The following DDX42 variants were observed in gnomAD, a reference collection of about 807,000 sequenced individuals.
DDX42 encodes the protein DEAD-box helicase 42.
A neutral mutation model predicts 101.5 loss-of-function variants in DDX42; 22 were observed. The observed-to-expected ratio is 0.22, with a 90% CI of 0.15 to 0.31. DDX42 has a LOEUF of 0.31. Among genes scored for constraint, DDX42 ranks in the 10% least tolerant of loss-of-function variants. DDX42 has a pLI of 1.00. For missense variants in DDX42, 849 were observed against 1,199.9 expected, an observed-to-expected ratio of 0.71 and a Z score of 4.32; for synonymous variants, 402 against 401.2, an observed-to-expected ratio of 1.00 and a Z score of -0.02.
At chr17:63,796,670 A>G (rs1045518934) in intron 3 of DDX42, among the ~76,000 whole-genome samples, 1 of 152,236 alleles carries the variant, frequency 6.6e-6, no homozygotes, top group Non-Finnish European at 1.5e-5. Flanking sequence ...AACTAGATGA[A>G]GATTTATTTT....
chr17:63,789,197 G>A (rs1203389198), intron 2 of DDX42, among the ~76,000 whole-genome samples: 2 of 151,934 alleles, frequency 1.3e-5, no homozygotes, highest in Non-Finnish European at 2.9e-5. Context: ...TCACGCCTCA[G>A]CCTCCCATGT....
intron 1 of DDX42, 130 bp from the exon 2 acceptor site, chr17:63,786,904 C>G (rs2039553916): frequency 1.2e-6 from 1 of 846,318 alleles, no homozygotes; most frequent in Admixed American, 2.4e-5. Flanking sequence ...TCTTGAACTC[C>G]TGACCTCATG....
intron 17 of DDX42, chr17:63,817,276 C>G: frequency 2.8e-6 from 1 of 353,262 alleles, no homozygotes; most frequent in Non-Finnish European, 5.1e-6. Context: ...CACCCACCTC[C>G]AACTCACTTC....
At chr17:63,776,899 A>T (rs575289827) in intron 1 of DDX42, among the ~76,000 whole-genome samples, 23 of 152,240 alleles carry the variant, frequency 1.5e-4, no homozygotes, top group African/African-American at 5.5e-4. Context: ...AAGATTTCCT[A>T]GGAAACCACC....
intron 11 of DDX42, among the ~76,000 whole-genome samples, chr17:63,810,083 T>C (rs2039890909): frequency 6.6e-6 from 1 of 151,954 alleles, no homozygotes; most frequent in Non-Finnish European, 1.5e-5. Context: ...TGCTGAATGA[T>C]ATGTTTAGGA....
At chr17:63,783,138 C>T (rs1365782310) in intron 1 of DDX42, among the ~76,000 whole-genome samples, 1 of 152,148 alleles carries the variant, frequency 6.6e-6, no homozygotes, top group East Asian at 1.9e-4. Context: ...AGTGAATGCA[C>T]TCTGTATAGT....
At chr17:63,800,124 C>T (rs1029878068) in intron 5 of DDX42, 4 of 224,180 alleles carry the variant, frequency 1.8e-5, no homozygotes, top group Admixed American at 5.4e-5. Flanking sequence ...TTCTAATTAG[C>T]GTTAACTTCC....
intron 13 of DDX42, 134 bp from the exon 14 acceptor site, chr17:63,811,798 C>T: frequency 4.2e-6 from 5 of 1,201,316 alleles, no homozygotes; most frequent in Non-Finnish European, 5.9e-6. Flanking sequence ...CTGCACTTGA[C>T]TTGCTGAAGG....
At chr17:63,800,712 C>A in intron 6 of DDX42, 95 bp downstream of exon 6, 1 of 1,449,080 alleles carries the variant, frequency 6.9e-7, no homozygotes, top group Non-Finnish European at 9.4e-7. Flanking sequence ...AATACTCTTA[C>A]ATCATGAGCG....
chr17:63,798,115 C>T lies in DDX42; in HGVS notation c.434+16C>T. On this transcript the variant is annotated intron_variant, in intron 4 of 17. Coordinates refer to ENST00000389924, the MANE Select transcript of DDX42 (RefSeq NM_203499.3). ...AAAACGTAAAGTAAGTTGTTTTCTTCTCCCTCACAAAGGTTACGTGAAAAC... is the reference window on the plus strand; with the variant it reads ...AAAACGTAAAGTAAGTTGTTTTCTTTTCCCTCACAAAGGTTACGTGAAAAC... The T allele has an allele frequency of 6.2e-7, 1 of 1,611,954 alleles. No homozygotes were observed. Among genetic ancestry groups the T allele is most frequent in the South Asian group, 1.1e-5 (1 of 90,694 alleles).
chr17:63,777,214 T>A (rs532630928), intron 1 of DDX42, among the ~76,000 whole-genome samples: 316 of 151,730 alleles, frequency 2.1e-3, no homozygotes, highest in Admixed American at 4.5e-3. Context: ...CAGCCAGCCA[T>A]AGGATTTAGT....
At chr17:63,795,377 A>G (rs1274418548) in intron 3 of DDX42, among the ~76,000 whole-genome samples, 1 of 152,184 alleles carries the variant, frequency 6.6e-6, no homozygotes, top group Non-Finnish European at 1.5e-5. Flanking sequence ...TTGAGACAGG[A>G]TCTCTCGCCC....
chr17:63,801,990 C>T (rs1177762344), intron 6 of DDX42, among the ~76,000 whole-genome samples: 2 of 152,118 alleles, frequency 1.3e-5, no homozygotes, highest in African/African-American at 2.4e-5. Flanking sequence ...ACCAAGAACC[C>T]CTTTCAGGGA....
intron 16 of DDX42, 35 bp from the exon 17 acceptor site, chr17:63,816,833 T>C: frequency 3.8e-6 from 6 of 1,578,104 alleles, no homozygotes; most frequent in Non-Finnish European, 5.2e-6. Context: ...TTCCTGCTTA[T>C]TTTTTCATTC....
intron 3 of DDX42, among the ~76,000 whole-genome samples, chr17:63,796,872 C>T (rs2039699651): frequency 6.6e-6 from 1 of 152,136 alleles, no homozygotes; most frequent in African/African-American, 2.4e-5. Flanking sequence ...AATTTCTCTT[C>T]ATCAGGAACA....
At chr17:63,815,440 G>T (rs1227745237) in intron 15 of DDX42, 123 bp from the exon 16 acceptor site, 2 of 628,810 alleles carry the variant, frequency 3.2e-6, no homozygotes, top group Non-Finnish European at 5.6e-6. Flanking sequence ...CTCCCTTAGC[G>T]TAGTGCTGGC....
At chr17:63,812,752 C>T (rs577130286) in intron 14 of DDX42, among the ~76,000 whole-genome samples, 77 of 152,228 alleles carry the variant, frequency 5.1e-4, no homozygotes, top group African/African-American at 1.7e-3. Flanking sequence ...CAGTCGGGCA[C>T]GGTGGCTCAC....
intron 14 of DDX42, among the ~76,000 whole-genome samples, chr17:63,813,024 T>TA (rs2039931526): frequency 6.6e-6 from 1 of 151,994 alleles, no homozygotes; most frequent in Non-Finnish European, 1.5e-5. Context: ...ACTCCGTCTC[T>TA]AAAAAATAAA....
rs2039858560 is a variant in DDX42, at chr17:63,807,618, C to G, written c.847-106C>G. The G allele has an allele frequency of 3.8e-6, 4 of 1,040,264 alleles. No homozygotes were observed. The African/African-American group carries it at 4.8e-5, about 13-fold the overall frequency. The allele number at this position is 1,040,264 out of a possible 1,614,324, so 64.4% of individuals were successfully genotyped here. A position where few individuals can be genotyped will look rare whatever the true frequency, so the allele number is the denominator to read the frequency against. On this transcript the variant is annotated intron_variant, in intron 8 of 17. Coordinates refer to ENST00000389924, the MANE Select transcript of DDX42 (RefSeq NM_203499.3). The stretch of plus-strand genomic sequence containing the variant: ...GCATAGCACCAGGTATGTTTTGTTC[C>G]ATTGCAAATAAAAATGTTAGTAGTC...
Sources: gnomAD v4.1 joint callset for allele counts (sites outside exome capture counted in the v4.1 genomes callset) on GRCh38, gnomAD v4.1.1 for gene constraint, MANE v1.5 for transcripts, NCBI Gene and HGNC (gene_info 2026-07-23, HGNC 2026-07-21) for gene names.